Variants in SLFN12L observed in about 807,000 individuals in gnomAD.
The protein encoded by SLFN12L is schlafen family member 12 like.
Under a neutral mutation model 34.8 loss-of-function variants are expected in SLFN12L, and 34 were observed. The ratio of observed to expected loss-of-function variants is 0.98; its 90% confidence interval spans 0.74 to 1.30. SLFN12L has a LOEUF of 1.30. Ranked by LOEUF, SLFN12L falls within the 50% of genes most tolerant of loss-of-function variation. SLFN12L has a pLI of 0.00. For synonymous variants in SLFN12L, 259 were observed against 247.5 expected, an observed-to-expected ratio of 1.05 and a Z score of -0.44; for missense variants, 703 against 696.2, an observed-to-expected ratio of 1.01 and a Z score of -0.11.
At position 35,472,094 on chromosome 17, in the gene SLFN12L, G is replaced by A. The variant is rs1402274401; in HGVS notation, c.*2829C>T. 2.0e-5 allele frequency among the ~76,000 whole-genome samples: 3 copies of A among 152,132 alleles called. No individual in the cohort carries two copies. Among genetic ancestry groups the A allele is most frequent in the East Asian group, 3.8e-4 (2 of 5,198 alleles). ...ATCCCGTTTGTCAACTTTGGCTTTC[G>A]TTGCAATTGCTTTTGGTGTTTTTGT... is the stretch of plus-strand genomic sequence containing the variant. On this transcript the variant is annotated 3_prime_UTR_variant, in exon 5 of 5. Coordinates refer to ENST00000628453, the MANE Select transcript of SLFN12L (RefSeq NM_001363830.2).
Position 35,479,646 on chromosome 17 carries a change from A to C in SLFN12L, c.636T>G (p.Asp212Glu). The C allele has an allele frequency of 6.2e-7, 1 of 1,611,386 alleles. No individual in the cohort carries two copies. Among genetic ancestry groups the C allele is most frequent in the East Asian group, 2.2e-5 (1 of 44,834 alleles). Residue 212 changes from aspartate (D) to glutamate (E), a missense_variant, in exon 3 of 5, where the codon GAT becomes GAG. Transcript: ENST00000628453. ...CTTCCATGTTACTTTCTTCTTGTAC[A>C]TCAACACAGGCCCTTTTTGCAGGGA... ...PEFPAKRACV[D>E]VQEESNMEAL...
At chr17:35,483,255 A>G (rs2142133170) in intron 2 of SLFN12L, among the ~76,000 whole-genome samples, 1 of 152,180 alleles carries the variant, frequency 6.6e-6, no homozygotes, top group East Asian at 1.9e-4. Context: ...GGAGTTACTC[A>G]CTGCAGGTCT....
chr17:35,490,488 A>T, intron 2 of SLFN12L: 1 of 946,502 alleles, frequency 1.1e-6, no homozygotes, highest in East Asian at 2.4e-5. Flanking sequence ...ATATCACCAA[A>T]GCTCTGAAAG....
chr17:35,487,926 A>G (rs947333071), intron 2 of SLFN12L: 2 of 718,162 alleles, frequency 2.8e-6, no homozygotes, highest in African/African-American at 1.7e-5. Flanking sequence ...TGCGAATCCA[A>G]CGACGGGCGC....
intron 2 of SLFN12L, among the ~76,000 whole-genome samples, chr17:35,494,870 AATTTT>A (rs1417978973): frequency 6.6e-6 from 1 of 150,462 alleles, no homozygotes. Flanking sequence ...TTTTTGCGTT[AATTTT>A]ATTAATTTAT....
At chr17:35,530,011 A>G (rs1031315106) in intron 1 of SLFN12L, among the ~76,000 whole-genome samples, 3 of 151,632 alleles carry the variant, frequency 2.0e-5, no homozygotes, top group South Asian at 4.2e-4. Flanking sequence ...ACTCAAACCC[A>G]TACTGAAAGA....
intron 2 of SLFN12L, chr17:35,498,118 G>A (rs1196179482): frequency 5.1e-6 from 3 of 587,370 alleles, no homozygotes; most frequent in African/African-American, 1.9e-5. Flanking sequence ...CTGAGCCGGC[G>A]GTCAGAGCGA....
At position 35,475,471 on chromosome 17, in the gene SLFN12L, T is replaced by A; in HGVS notation, c.1291A>T (p.Ile431Leu). Residue 431 changes from isoleucine to leucine, a missense_variant, in exon 5 of 5, where the codon ATA (isoleucine) becomes TTA (leucine). Transcript: ENST00000628453. ...CAGAAGGTTTTTGGAGCACAAGTTA[T>A]CTTTTCTGATAGCCCTAGATGGGGA... Reference protein sequence around the residue: ...RYHLPGLSEKITCAPKTFCRN... With the variant: ...RYHLPGLSEKLTCAPKTFCRN... The A allele has an allele frequency of 6.2e-7, 1 of 1,607,084 alleles. No homozygotes were observed. Among genetic ancestry groups the A allele is most frequent in the South Asian group, 1.1e-5 (1 of 89,906 alleles).
chr17:35,479,988 C>G lies in SLFN12L; in HGVS notation c.294G>C (p.Gly98=). Residue 98 remains glycine, a synonymous_variant, in exon 3 of 5, where the codon GGG becomes GGC. Coordinates refer to ENST00000628453, the MANE Select transcript of SLFN12L (RefSeq NM_001363830.2). The stretch of plus-strand genomic sequence containing the variant: ...TCTCAACTTCAGCCTTGATCACTCC[C>G]CCTCCAGAATTCAGCAGAGCACACA... The part of the protein sequence containing the change: ...RAVCALLNSG[G]GVIKAEVENK... 6.2e-7 allele frequency: 1 copy of G among 1,614,172 alleles called. No homozygotes were observed. Among genetic ancestry groups the G allele is most frequent in the Non-Finnish European group, 8.5e-7 (1 of 1,180,030 alleles).
Position 35,470,945 on chromosome 17 carries a change from G to C in SLFN12L, c.*3978C>G, listed in dbSNP as rs1913797204. Among the ~76,000 whole-genome samples the C allele has an allele frequency of 6.6e-6, 1 of 152,106 alleles. No individual in the cohort carries two copies. Among genetic ancestry groups the C allele is most frequent in the South Asian group, 2.1e-4 (1 of 4,824 alleles). ...TCTGTTCCCATGTTAGTTTGCTGAGGATGATGGCTTCCAGCTTCATCCATG... is the reference window on the plus strand; with the variant it reads ...TCTGTTCCCATGTTAGTTTGCTGAGCATGATGGCTTCCAGCTTCATCCATG... On this transcript the variant is annotated 3_prime_UTR_variant, in exon 5 of 5. Transcript: ENST00000628453.
chr17:35,516,659 C>T lies in SLFN12L; in HGVS notation c.86+5620G>A, dbSNP rs1019132356. 3.3e-5 allele frequency among the ~76,000 whole-genome samples: 5 copies of T among 152,306 alleles called. No individual in the cohort carries two copies. The East Asian group carries it at 9.6e-4, about 29-fold the overall frequency. ...CCTTGGAGGGCAAAATCCACCACCC[C>T]CTCCACTCTATTGAGAGCCACTGGT... is the stretch of plus-strand genomic sequence containing the variant. On this transcript the variant is annotated intron_variant, in intron 2 of 4. Transcript: ENST00000628453.
intron 1 of SLFN12L, among the ~76,000 whole-genome samples, chr17:35,532,611 G>A (rs544719794): frequency 9.3e-4 from 141 of 152,190 alleles, no homozygotes; most frequent in African/African-American, 3.1e-3. Context: ...TCAAAATCAG[G>A]CCAGGCACCG....
chr17:35,518,622 G>A (rs1418813873), intron 2 of SLFN12L, among the ~76,000 whole-genome samples: 2 of 150,180 alleles, frequency 1.3e-5, no homozygotes, highest in African/African-American at 2.4e-5. Flanking sequence ...GGTCATTAGA[G>A]AAAAGCAAAT....
In SLFN12L at chr17:35,470,302, T is replaced by C; in HGVS notation, c.*4621A>G. ...AATTGGTCTGCCATGTGTTAACGTT[T>C]AGTCCAAATCATTTTTCCACTTTAG... is the stretch of plus-strand genomic sequence containing the variant. On this transcript the variant is annotated 3_prime_UTR_variant, in exon 5 of 5. Transcript: ENST00000628453. 1 of 160,312 alleles carries C rather than the reference T, an allele frequency of 6.2e-6. No homozygotes were observed. Among genetic ancestry groups the C allele is most frequent in the South Asian group, 1.7e-4 (1 of 5,764 alleles). 9.9% of individuals were successfully genotyped at this position (160,312 alleles called of 1,614,324 possible).
chr17:35,491,109 A>ATAACCATT (rs1188182056), intron 2 of SLFN12L: 22 of 778,848 alleles, frequency 2.8e-5, no homozygotes, highest in East Asian at 1.9e-4. Flanking sequence ...CTGCTGCAAG[A>ATAACCATT]TGACCATTTG....
intron 2 of SLFN12L, among the ~76,000 whole-genome samples, chr17:35,508,004 C>G (rs560127750): frequency 3.0e-4 from 46 of 152,320 alleles, no homozygotes; most frequent in African/African-American, 1.1e-3. Flanking sequence ...AATCCACAGG[C>G]AGATAGCCTG....
intron 2 of SLFN12L, among the ~76,000 whole-genome samples, chr17:35,504,962 A>C (rs1915419213): frequency 6.6e-6 from 1 of 152,126 alleles, no homozygotes; most frequent in Non-Finnish European, 1.5e-5. Context: ...CTGGCATTTC[A>C]TCAACCAGAG....
chr17:35,480,238 C>T (rs1914274035), intron 2 of SLFN12L, 43 bp from the exon 3 acceptor site: 1 of 1,422,390 alleles, frequency 7.0e-7, no homozygotes, highest in Non-Finnish European at 9.3e-7. Context: ...GCCTGAGAGA[C>T]AGCAAATTCT....
chr17:35,530,538 A>AAAG (rs2072400735), intron 1 of SLFN12L, among the ~76,000 whole-genome samples: 2 of 23,230 alleles, frequency 8.6e-5, no homozygotes, highest in East Asian at 1.5e-3. Flanking sequence ...AAAAGAAAAG[A>AAAG]AAAGAAAGAA....
Sources: gnomAD v4.1 joint callset for allele counts (sites outside exome capture counted in the v4.1 genomes callset) on GRCh38, gnomAD v4.1.1 for gene constraint, MANE v1.5 for transcripts, NCBI Gene and HGNC (gene_info 2026-07-23, HGNC 2026-07-21) for gene names.